Variants in MRPS21 observed in about 807,000 individuals in gnomAD.
MRPS21 encodes mitochondrial ribosomal protein S21, also known as small ribosomal subunit protein bS21m.
MRPS21 carries 8 observed loss-of-function variants against 9.9 expected under a neutral mutation model. The ratio of observed to expected loss-of-function variants is 0.81; its 90% confidence interval spans 0.47 to 1.45. MRPS21 has a LOEUF of 1.45. Among genes scored for constraint, MRPS21 ranks in the 40% most tolerant of loss-of-function variants. The probability of loss-of-function intolerance (pLI) is 0.00; values close to 1 mark genes in which losing one functional copy is unlikely to be tolerated. For synonymous variants in MRPS21, 40 were observed against 40.3 expected (o/e 0.99, Z 0.03); for missense variants, 101 against 118.9 (o/e 0.85, Z 0.70).
chr1:150,300,872 T>A (rs1290703207), intron 2 of MRPS21, among the ~76,000 whole-genome samples: 9 of 152,116 alleles, frequency 5.9e-5, no homozygotes, highest in African/African-American at 2.2e-4. Context: ...AATTATATTC[T>A]TTTCTTTTTA....
At chr1:150,303,228 C>A (rs182773539) in intron 2 of MRPS21, among the ~76,000 whole-genome samples, 3 of 152,320 alleles carry the variant, frequency 2.0e-5, no homozygotes, top group Admixed American at 1.3e-4. Flanking sequence ...CATATTTACT[C>A]AGGGTCTCTG....
chr1:150,294,570 T>TA, intron 2 of MRPS21, 121 bp downstream of exon 2: 1 of 830,848 alleles, frequency 1.2e-6, no homozygotes. Context: ...CACAGTCTCT[T>TA]AAAACGTCTC....
chr1:150,303,420 G>A (rs1654215902), intron 2 of MRPS21, among the ~76,000 whole-genome samples: 1 of 152,146 alleles, frequency 6.6e-6, no homozygotes, highest in South Asian at 2.1e-4. Flanking sequence ...TACATGTTTA[G>A]ATCATTCTTT....
In MRPS21 at chr1:150,308,402, T is replaced by C; in HGVS notation, c.*174T>C. Reference sequence around the variant, plus strand: ...CATTAGTCAGCAGTGGACCCTGTCTTTTATTAAGTGAAAGAAGAAACTGAG... The same window carrying C: ...CATTAGTCAGCAGTGGACCCTGTCTCTTATTAAGTGAAAGAAGAAACTGAG... On this transcript the variant is annotated 3_prime_UTR_variant, in exon 3 of 3. Coordinates refer to ENST00000614145, the MANE Select transcript of MRPS21 (RefSeq NM_031901.6). 1.7e-6 allele frequency: 1 copy of C among 572,360 alleles called. No individual in the cohort carries two copies. The highest frequency in any genetic ancestry group is 2.9e-6 in the Non-Finnish European group (1 of 343,770). The allele number at this position is 572,360 out of a possible 1,614,324, so 35.5% of individuals were successfully genotyped here.
chr1:150,299,271 G>C (rs1200578338), intron 2 of MRPS21, among the ~76,000 whole-genome samples: 1 of 152,024 alleles, frequency 6.6e-6, no homozygotes, highest in African/African-American at 2.4e-5. Flanking sequence ...ACTGATACCA[G>C]GTTTGCAGAA....
intron 2 of MRPS21, among the ~76,000 whole-genome samples, chr1:150,297,414 G>A (rs1553856766): frequency 6.6e-6 from 1 of 152,152 alleles, no homozygotes; most frequent in East Asian, 1.9e-4. Context: ...GCTCATGCCT[G>A]TAATCCCAGC....
At chr1:150,306,911 G>A (rs1654354708) in intron 2 of MRPS21, among the ~76,000 whole-genome samples, 2 of 152,152 alleles carry the variant, frequency 1.3e-5, no homozygotes, top group South Asian at 4.1e-4. Context: ...GAGAATCATT[G>A]CTGTAGGGAG....
chr1:150,297,216 G>A (rs587768373), intron 2 of MRPS21, among the ~76,000 whole-genome samples: 25 of 152,080 alleles, frequency 1.6e-4, no homozygotes, highest in East Asian at 1.9e-4. Context: ...GCTTGAACCC[G>A]GGAGGAGGAG....
In MRPS21 at chr1:150,308,806, A is replaced by G. The variant is rs1414534140; in HGVS notation, c.*578A>G. ...AGCCAAGATCATGCCACTGCACTCC[A>G]ACCTGGGCGACAGAGTGAGACTCCA... is the stretch of plus-strand genomic sequence containing the variant. On this transcript the variant is annotated 3_prime_UTR_variant, in exon 3 of 3. Transcript: ENST00000614145. 3 of 154,276 alleles carry G rather than the reference A, an allele frequency of 1.9e-5. No individual in the cohort carries two copies. Among genetic ancestry groups the G allele is most frequent in the Non-Finnish European group, 4.4e-5 (3 of 68,216 alleles). The allele number at this position is 154,276 out of a possible 1,614,324, so 9.6% of individuals were successfully genotyped here.
chr1:150,308,092 G>C lies in MRPS21; in HGVS notation c.128G>C (p.Arg43Pro), dbSNP rs781986670. The C allele has an allele frequency of 1.2e-6, 2 of 1,602,238 alleles. No homozygotes were observed. The highest frequency in any genetic ancestry group is 1.7e-5 in the Admixed American group (1 of 59,848). The change falls in exon 3 of 3, where the codon CGG becomes CCG. Residue 43 changes from arginine (R) to proline (P), a missense_variant. Transcript: ENST00000614145. ...DGLIEDIKHR[R>P]YYEKPCCRRQ... is the part of the protein sequence containing the mutation. ...CTCATTGAGGACATTAAGCATCGGCGGTATTATGAGAAGCCATGCTGCCGG... is the reference window on the plus strand; with the variant it reads ...CTCATTGAGGACATTAAGCATCGGCCGTATTATGAGAAGCCATGCTGCCGG...
intron 2 of MRPS21, among the ~76,000 whole-genome samples, chr1:150,299,227 C>T (rs1553857149): frequency 6.6e-6 from 1 of 152,072 alleles, no homozygotes; most frequent in African/African-American, 2.4e-5. Context: ...ATCTGAGAAA[C>T]AAAATATTTC....
chr1:150,307,348 C>CTTTTTTTTTTTTTTTTTT (rs1572154026), intron 2 of MRPS21, among the ~76,000 whole-genome samples: 1 of 87,552 alleles, frequency 1.1e-5, no homozygotes. Flanking sequence ...GTGCCCAGTC[C>CTTTTTTTTTTTTTTTTTT]TTTTTTTTTT....
rs1330201733 is a variant in MRPS21 at position 150,306,898 on chromosome 1, G to A, written c.84-1150G>A. On this transcript the variant is annotated intron_variant, in intron 2 of 2. Coordinates refer to ENST00000614145, the MANE Select transcript of MRPS21 (RefSeq NM_031901.6). The stretch of plus-strand genomic sequence containing the variant: ...TTGAGGTCTCTGAAATGCCCCATTA[G>A]TTGAGAATCATTGCTGTAGGGAGAC... Among the ~76,000 whole-genome samples the A allele has an allele frequency of 3.3e-5, 5 of 152,114 alleles. No homozygotes were observed. In the East Asian group the frequency reaches 9.6e-4, roughly 29 times the overall value.
Position 150,297,055 on chromosome 1 carries a change from G to GTT in MRPS21, c.83+2606_83+2607insTT, listed in dbSNP as rs1553856688. Among the ~76,000 whole-genome samples the GTT allele has an allele frequency of 3.3e-5, 5 of 151,676 alleles. No homozygotes were observed. In the East Asian group the frequency reaches 7.8e-4, roughly 24 times the overall value. On this transcript the variant is annotated intron_variant, in intron 2 of 2. Transcript: ENST00000614145. ...GCCTGTAATCCCAGCACTTTGGGAG[G>GTT]CCAAGGCGGGCGGATCACGAGGTCA...
chr1:150,306,108 T>A (rs1654322079), intron 2 of MRPS21, among the ~76,000 whole-genome samples: 1 of 152,210 alleles, frequency 6.6e-6, no homozygotes, highest in African/African-American at 2.4e-5. Flanking sequence ...AAAGATTTTT[T>A]AGCACCAGAG....
chr1:150,296,623 C>G (rs1653923945), intron 2 of MRPS21, among the ~76,000 whole-genome samples: 1 of 152,096 alleles, frequency 6.6e-6, no homozygotes, highest in East Asian at 1.9e-4. Context: ...GCATTAAGGC[C>G]TTTAATGTGG....
At chr1:150,294,209 T>A in intron 1 of MRPS21, 126 bp from the exon 2 acceptor site, 1 of 620,094 alleles carries the variant, frequency 1.6e-6, no homozygotes, top group Non-Finnish European at 3.0e-6. Context: ...ATGACTTCCA[T>A]GTGCTCCATC....
Position 150,308,399 on chromosome 1 carries a change from T to A in MRPS21, c.*171T>A. On this transcript the variant is annotated 3_prime_UTR_variant, in exon 3 of 3. Coordinates refer to ENST00000614145, the MANE Select transcript of MRPS21 (RefSeq NM_031901.6). Reference sequence around the variant, plus strand: ...TCCCATTAGTCAGCAGTGGACCCTGTCTTTTATTAAGTGAAAGAAGAAACT... The same window carrying A: ...TCCCATTAGTCAGCAGTGGACCCTGACTTTTATTAAGTGAAAGAAGAAACT... 1 of 583,322 alleles carries A rather than the reference T, an allele frequency of 1.7e-6. No homozygotes were observed. The highest frequency in any genetic ancestry group is 2.8e-6 in the Non-Finnish European group (1 of 352,254). 36.1% of individuals were successfully genotyped at this position (583,322 alleles called of 1,614,324 possible).
At chr1:150,294,487 T>G (rs782712043) in intron 2 of MRPS21, 38 bp downstream of exon 2, 1 of 1,535,110 alleles carries the variant, frequency 6.5e-7, no homozygotes, top group African/African-American at 1.4e-5. Context: ...CTAGACTCTC[T>G]GGGAAGTGCG....
Sources: allele counts gnomAD v4.1 joint callset (sites outside exome capture counted in the v4.1 genomes callset), GRCh38; gene constraint gnomAD v4.1.1; transcripts MANE v1.5; gene names NCBI Gene and HGNC (gene_info 2026-07-23, HGNC 2026-07-21).